JHY: variants seen among roughly 807,000 people sequenced by gnomAD.
The protein encoded by JHY is junctional cadherin complex regulator.
JHY carries 69 observed loss-of-function variants against 78.0 expected under a neutral mutation model. That is an observed-to-expected ratio of 0.88 (90% CI 0.73 to 1.08). The LOEUF (loss-of-function observed/expected upper bound fraction) is 1.08. Among genes scored for constraint, JHY ranks in the 50% least tolerant of loss-of-function variants. The pLI is 0.00. For missense variants in JHY, 944 were observed against 927.8 expected (o/e 1.02, Z -0.23); for synonymous variants, 368 against 342.6 (o/e 1.07, Z -0.82).
intron 5 of JHY, among the ~76,000 whole-genome samples, chr11:122,944,244 A>T (rs528796373): frequency 9.2e-5 from 14 of 152,166 alleles, no homozygotes; most frequent in Non-Finnish European, 1.9e-4. Context: ...TGTGGCACTG[A>T]TACCTTTGAA....
chr11:122,885,819 T>C lies in JHY; in HGVS notation c.-31T>C. The C allele has an allele frequency of 6.6e-7, 1 of 1,515,396 alleles. No homozygotes were observed. The highest frequency in any genetic ancestry group is 2.3e-5 in the East Asian group (1 of 44,058). The allele number at this position is 1,515,396 out of a possible 1,614,324, so 93.9% of individuals were successfully genotyped here. A position where few individuals can be genotyped will look rare whatever the true frequency, so the allele number is the denominator to read the frequency against. On this transcript the variant is annotated 5_prime_UTR_variant, in exon 2 of 9. Coordinates refer to ENST00000227349, the MANE Select transcript of JHY (RefSeq NM_024806.4). ...AGCCAGCTGCTCCTATCAACACGAG[T>C]ATCCCCTGTTAATTTTTTGCATTTT... is the stretch of plus-strand genomic sequence containing the variant.
chr11:122,892,385 C>T (rs1305063000), intron 2 of JHY, among the ~76,000 whole-genome samples: 9 of 150,872 alleles, frequency 6.0e-5, no homozygotes, highest in African/African-American at 9.8e-5. Context: ...TGCAGTGAGG[C>T]GATCTTGGCT....
Position 122,904,200 on chromosome 11 carries a change from G to A in JHY, c.620G>A (p.Ser207Asn). The A allele has an allele frequency of 6.2e-7, 1 of 1,614,174 alleles. No homozygotes were observed. The highest frequency in any genetic ancestry group is 1.1e-5 in the South Asian group (1 of 91,076). ...SPNYEHGARR[S>N]KPFSELSDSD... ...AACTATGAGCATGGTGCCCGTCGCA[G>A]CAAGCCGTTTTCAGAGCTGAGCGAC... The change falls in exon 3 of 9, where the codon AGC (serine) becomes AAC (asparagine). Residue 207 changes from serine (S) to asparagine (N), a missense_variant. Coordinates refer to ENST00000227349, the MANE Select transcript of JHY (RefSeq NM_024806.4).
chr11:122,934,291 G>C (rs1339282722), intron 4 of JHY, 129 bp from the exon 5 acceptor site: 1 of 441,046 alleles, frequency 2.3e-6, no homozygotes, highest in African/African-American at 2.1e-5. Flanking sequence ...ACTCCAGCCT[G>C]GGAGACAGTG....
chr11:122,913,713 A>G (rs960508506), intron 3 of JHY, among the ~76,000 whole-genome samples: 11 of 151,864 alleles, frequency 7.2e-5, no homozygotes, highest in African/African-American at 2.7e-4. Flanking sequence ...TCCTTCCAGT[A>G]CCTCCCTCAT....
At chr11:122,937,464 A>C (rs1863781732) in intron 5 of JHY, among the ~76,000 whole-genome samples, 1 of 152,026 alleles carries the variant, frequency 6.6e-6, no homozygotes, top group South Asian at 2.1e-4. Flanking sequence ...GACTTGCTTC[A>C]CAGCTGTCCT....
rs1296451338 is a variant in JHY, at chr11:122,903,994, A to G, written c.414A>G (p.Glu138=). Residue 138 remains glutamate (E), a synonymous_variant, in exon 3 of 9, where the codon GAA becomes GAG. Coordinates refer to ENST00000227349, the MANE Select transcript of JHY (RefSeq NM_024806.4). ...CGAACTGGAAGAGTAAGAAGGAGGAAGGGCAGCTGCTGTCTGTGGAAGCGT... is the reference window on the plus strand; with the variant it reads ...CGAACTGGAAGAGTAAGAAGGAGGAGGGGCAGCTGCTGTCTGTGGAAGCGT... The part of the protein sequence containing the change: ...YDPNWKSKKE[E]GQLLSVEALP... 6.2e-7 allele frequency: 1 copy of G among 1,614,064 alleles called. No individual in the cohort carries two copies. Among genetic ancestry groups the G allele is most frequent in the South Asian group, 1.1e-5 (1 of 91,080 alleles).
intron 3 of JHY, chr11:122,905,666 A>C: frequency 1.2e-6 from 1 of 861,832 alleles, no homozygotes; most frequent in Non-Finnish European, 1.4e-6. Context: ...CCACGAGTTC[A>C]AGACCAGCCT....
chr11:122,895,696 T>C (rs1467483931), intron 2 of JHY, among the ~76,000 whole-genome samples: 1 of 152,240 alleles, frequency 6.6e-6, no homozygotes, highest in African/African-American at 2.4e-5. Context: ...AGTTGTGTAC[T>C]CATTTTCTGT....
chr11:122,941,743 T>C (rs1053824241), intron 5 of JHY, among the ~76,000 whole-genome samples: 4 of 152,240 alleles, frequency 2.6e-5, no homozygotes, highest in African/African-American at 4.8e-5. Context: ...TTTTTGAATA[T>C]GTAAAACATT....
At chr11:122,908,760 A>G (rs1863046787) in intron 3 of JHY, among the ~76,000 whole-genome samples, 1 of 152,100 alleles carries the variant, frequency 6.6e-6, no homozygotes, top group South Asian at 2.1e-4. Flanking sequence ...GTGCAGTGGC[A>G]CTATCTCAGC....
intron 4 of JHY, among the ~76,000 whole-genome samples, chr11:122,927,678 G>A (rs528673094): frequency 6.6e-6 from 1 of 151,954 alleles, no homozygotes; most frequent in East Asian, 1.9e-4. Flanking sequence ...CTGCCATATT[G>A]GGCCGTGTCT....
intron 2 of JHY, among the ~76,000 whole-genome samples, chr11:122,886,411 G>T (rs946918253): frequency 6.6e-6 from 1 of 151,946 alleles, no homozygotes. Flanking sequence ...AGGGCAATTC[G>T]CATTTCTCAT....
chr11:122,919,875 A>G (rs1280600225), intron 3 of JHY, among the ~76,000 whole-genome samples: 1 of 152,228 alleles, frequency 6.6e-6, no homozygotes, highest in East Asian at 1.9e-4. Flanking sequence ...CTGAACATGT[A>G]TGTGCATGCT....
intron 4 of JHY, chr11:122,927,015 T>C (rs1364885545): frequency 1.3e-5 from 2 of 152,234 alleles, no homozygotes; most frequent in Non-Finnish European, 2.9e-5. Flanking sequence ...CAGCTAATGA[T>C]AAAATGATCG....
intron 6 of JHY, among the ~76,000 whole-genome samples, chr11:122,950,499 G>T (rs1864064870): frequency 6.6e-6 from 1 of 152,104 alleles, no homozygotes; most frequent in Non-Finnish European, 1.5e-5. Context: ...TTTAGAGGAA[G>T]CCATGGACCC....
intron 7 of JHY, among the ~76,000 whole-genome samples, chr11:122,956,805 AG>A (rs1330128779): frequency 6.6e-6 from 1 of 152,224 alleles, no homozygotes; most frequent in Admixed American, 6.5e-5. Context: ...TTAGTTTTGA[AG>A]GCCCGCACGG....
intron 4 of JHY, among the ~76,000 whole-genome samples, chr11:122,926,186 T>C (rs1178011015): frequency 2.1e-5 from 1 of 47,076 alleles, no homozygotes; most frequent in Non-Finnish European, 3.6e-5. Flanking sequence ...AGACTCCATC[T>C]CAAAAAAAAA....
chr11:122,958,833 A>T (rs1668799548), intron 8 of JHY: 1 of 985,036 alleles, frequency 1.0e-6, no homozygotes, highest in Non-Finnish European at 1.2e-6. Flanking sequence ...GTGTATGTAA[A>T]CTACAGTGAT....
Sources: gnomAD v4.1 joint callset for allele counts (sites outside exome capture counted in the v4.1 genomes callset) on GRCh38, gnomAD v4.1.1 for gene constraint, MANE v1.5 for transcripts, NCBI Gene and HGNC (gene_info 2026-07-23, HGNC 2026-07-21) for gene names.